Variants in CGGBP1 observed in about 807,000 individuals in gnomAD.
The protein encoded by CGGBP1 is CGG triplet repeat binding protein 1, also known as CGG triplet repeat-binding protein 1.
Under a neutral mutation model 11.4 loss-of-function variants are expected in CGGBP1, and 4 were observed. The observed-to-expected ratio is 0.35, with a 90% CI of 0.17 to 0.80. The LOEUF is 0.80. Among genes scored for constraint, CGGBP1 ranks in the 30% least tolerant of loss-of-function variants. The pLI, the probability that CGGBP1 is intolerant of heterozygous loss-of-function variation, is 0.52. For missense variants in CGGBP1, 135 were observed against 202.1 expected, an observed-to-expected ratio of 0.67 and a Z score of 2.01; for synonymous variants, 76 against 74.1, an observed-to-expected ratio of 1.03 and a Z score of -0.13.
chr3:88,149,656 C>G (rs1196295791), intron 1 of CGGBP1: 1 of 156,186 alleles, frequency 6.4e-6, no homozygotes, highest in Non-Finnish European at 1.4e-5. Flanking sequence ...TGGCCGGCCC[C>G]GCGGCATCAC....
chr3:88,106,312 G>A (rs1704734281), intron 2 of CGGBP1, among the ~76,000 whole-genome samples: 1 of 152,010 alleles, frequency 6.6e-6, no homozygotes, highest in African/African-American at 2.4e-5. Context: ...TGTGCTGTAA[G>A]TTGAAAATGT....
At chr3:88,093,983 C>T (rs1440771240) in intron 2 of CGGBP1, among the ~76,000 whole-genome samples, 2 of 152,038 alleles carry the variant, frequency 1.3e-5, no homozygotes, top group African/African-American at 4.8e-5. Context: ...AACACCTTAA[C>T]CAATTTTGTA....
intron 2 of CGGBP1, among the ~76,000 whole-genome samples, chr3:88,110,354 A>G (rs891559022): frequency 6.6e-6 from 1 of 152,070 alleles, no homozygotes; most frequent in Non-Finnish European, 1.5e-5. Flanking sequence ...TCACTGGTCA[A>G]CTCTACCACT....
At chr3:88,086,488 ACC>A in intron 2 of CGGBP1, 2 of 1,186,552 alleles carry the variant, frequency 1.7e-6, no homozygotes, top group Non-Finnish European at 2.2e-6. Flanking sequence ...TGAAGAAGAA[ACC>A]TTTCCTAAAG....
chr3:88,118,153 C>G (rs1705525898), intron 2 of CGGBP1, among the ~76,000 whole-genome samples: 1 of 152,130 alleles, frequency 6.6e-6, no homozygotes. Flanking sequence ...AGAGAAAAGT[C>G]TATCCTTATC....
intron 2 of CGGBP1, among the ~76,000 whole-genome samples, chr3:88,073,941 T>A (rs188806035): frequency 1.3e-5 from 2 of 152,346 alleles, no homozygotes; most frequent in Admixed American, 6.5e-5. Context: ...TACGGCTTTT[T>A]AAGAGAGGCA....
chr3:88,125,692 G>C (rs1213831426), intron 2 of CGGBP1, among the ~76,000 whole-genome samples: 1 of 152,158 alleles, frequency 6.6e-6, no homozygotes, highest in East Asian at 1.9e-4. Flanking sequence ...TTGTCTACCT[G>C]CCAGCCAGAG....
chr3:88,053,547 C>A lies in CGGBP1; in HGVS notation c.*1926G>T, dbSNP rs1706475652. 6.6e-6 allele frequency: 1 copy of A among 152,226 alleles called. No individual in the cohort carries two copies. The highest frequency in any genetic ancestry group is 1.5e-5 in the Non-Finnish European group (1 of 67,974). The allele number at this position is 152,226 out of a possible 1,614,324, so 9.4% of individuals were successfully genotyped here. ...CCAGTTTACTGCTTAGGACCACTCT[C>A]AAAGCTGATCTGCCATTACATTTTG... On this transcript the variant is annotated 3_prime_UTR_variant, in exon 4 of 4. Coordinates refer to ENST00000482016, the MANE Select transcript of CGGBP1 (RefSeq NM_001008390.2).
chr3:88,128,348 A>C (rs1379650402), intron 2 of CGGBP1, among the ~76,000 whole-genome samples: 1 of 152,098 alleles, frequency 6.6e-6, no homozygotes, highest in Non-Finnish European at 1.5e-5. Context: ...CTTTTTCATT[A>C]ATTCAGATTA....
At chr3:88,081,000 G>T (rs1232271929) in intron 2 of CGGBP1, among the ~76,000 whole-genome samples, 1 of 152,062 alleles carries the variant, frequency 6.6e-6, no homozygotes, top group South Asian at 2.1e-4. Flanking sequence ...GTATTTAGTT[G>T]TTTCTCCTTA....
chr3:88,146,749 T>C (rs915213608), intron 1 of CGGBP1, among the ~76,000 whole-genome samples: 1 of 152,322 alleles, frequency 6.6e-6, no homozygotes, highest in African/African-American at 2.4e-5. Context: ...GTTCACCTTT[T>C]TGCCTGTCCC....
upstream of CGGBP1, among the ~76,000 whole-genome samples, chr3:88,063,147 A>T (rs1335705773): frequency 1.3e-5 from 2 of 152,160 alleles, no homozygotes; most frequent in Admixed American, 6.5e-5. Context: ...TGCTGCTGAC[A>T]TCTAGTGCAT....
At chr3:88,142,557 A>AT (rs1707183217) in intron 1 of CGGBP1, 1 of 151,456 alleles carries the variant, frequency 6.6e-6, no homozygotes, top group African/African-American at 2.5e-5. Context: ...ATGTTGGGAC[A>AT]TTGCTTGATG....
chr3:88,056,569 C>T (rs1706547034), intron 3 of CGGBP1: 1 of 151,544 alleles, frequency 6.6e-6, no homozygotes, highest in African/African-American at 2.4e-5. Flanking sequence ...CTAAAAGCAA[C>T]AATGACATTA....
rs540205575 is a variant in CGGBP1, at chr3:88,140,585, T to C, written c.-229+385A>G. 6.3e-5 allele frequency: 102 copies of C among 1,613,654 alleles called. No individual in the cohort carries two copies. The East Asian group carries it at 2.3e-3, about 36-fold the overall frequency. ...AGCCAAATTCTGAAAATAATTGTAG[T>C]AGTAGTGATATAGTCAATGGACACA... On this transcript the variant is annotated intron_variant, in intron 2 of 3. Transcript: ENST00000462901.
chr3:88,109,438 T>C (rs1198460582), intron 2 of CGGBP1, among the ~76,000 whole-genome samples: 2 of 152,146 alleles, frequency 1.3e-5, no homozygotes, highest in Admixed American at 6.6e-5. Flanking sequence ...TTGACTCACA[T>C]AGAGTAGACC....
intron 2 of CGGBP1, among the ~76,000 whole-genome samples, chr3:88,078,742 G>T (rs1446507961): frequency 6.6e-6 from 1 of 152,060 alleles, no homozygotes; most frequent in Non-Finnish European, 1.5e-5. Flanking sequence ...ATCATATATG[G>T]ATTTCAGCAT....
chr3:88,110,283 G>T (rs1326909936), intron 2 of CGGBP1, among the ~76,000 whole-genome samples: 1 of 151,966 alleles, frequency 6.6e-6, no homozygotes, highest in Non-Finnish European at 1.5e-5. Flanking sequence ...CTAGACCATG[G>T]GTCTGTAAAG....
At chr3:88,139,044 A>C in intron 2 of CGGBP1, 2 of 1,242,016 alleles carry the variant, frequency 1.6e-6, no homozygotes, top group Non-Finnish European at 2.0e-6. Context: ...AATGATTAAG[A>C]AAAACTGTGT....
Sources: gnomAD v4.1 joint callset for allele counts (sites outside exome capture counted in the v4.1 genomes callset) on GRCh38, gnomAD v4.1.1 for gene constraint, MANE v1.5 for transcripts, NCBI Gene and HGNC (gene_info 2026-07-23, HGNC 2026-07-21) for gene names.